The following R3HDML variants were observed in gnomAD, a reference collection of about 807,000 sequenced individuals.
R3HDML encodes peptidase inhibitor R3HDML.
A neutral mutation model predicts 24.2 loss-of-function variants in R3HDML; 21 were observed. The ratio of observed to expected loss-of-function variants is 0.87; its 90% CI spans 0.62 to 1.25. The LOEUF is 1.25. Among genes scored for constraint, R3HDML ranks in the 50% most tolerant of loss-of-function variants. The probability of loss-of-function intolerance (pLI) is 0.00; values close to 1 mark genes in which losing one functional copy is unlikely to be tolerated. For synonymous variants in R3HDML, 133 were observed against 131.5 expected, an observed-to-expected ratio of 1.01 and a Z score of -0.08; for missense variants, 301 against 340.3, an observed-to-expected ratio of 0.88 and a Z score of 0.91.
intron 4 of R3HDML, among the ~76,000 whole-genome samples, 173 bp downstream of exon 4, chr20:44,345,551 C>A (rs2062784241): frequency 6.6e-6 from 1 of 152,014 alleles, no homozygotes; most frequent in Non-Finnish European, 1.5e-5. Context: ...CGCCTGAAAT[C>A]CCAGCACTTT....
At chr20:44,350,548 G>C (rs1289968346) in intron 4 of R3HDML, 112 bp from the exon 5 acceptor site, 3 of 942,276 alleles carry the variant, frequency 3.2e-6, no homozygotes, top group Non-Finnish European at 4.6e-6. Context: ...TTGCAGATGT[G>C]ACTTGCCCCA....
Position 44,347,207 on chromosome 20 carries a change from TTTTTTTC to T in R3HDML, c.629+1843_629+1849del, listed in dbSNP as rs200676259. On this transcript the variant is annotated intron_variant, in intron 4 of 4. Transcript: ENST00000217043. ...AAGTAAACATGATATTTAGAATTTC[TTTTTTTC>T]TTTTTTCTTTTTTTTTTGGGGGGGG... Among the ~76,000 whole-genome samples, 780 of 148,800 alleles carry T rather than the reference TTTTTTTC, an allele frequency of 5.2e-3. 47 individuals are homozygous for T. In the East Asian group the frequency reaches 0.13, roughly 26 times the overall value.
At chr20:44,342,539 T>C (rs2146109895) in intron 2 of R3HDML, among the ~76,000 whole-genome samples, 1 of 152,322 alleles carries the variant, frequency 6.6e-6, no homozygotes, top group East Asian at 1.9e-4. Context: ...AAAGCAGTGT[T>C]AGACACGAAG....
rs759178995 is a variant in R3HDML at position 44,343,419 on chromosome 20, G to T, written c.423G>T (p.Glu141Asp). 6.8e-6 allele frequency: 11 copies of T among 1,613,140 alleles called. No homozygotes were observed. In the African/African-American group the frequency reaches 1.1e-4, roughly 16 times the overall value. ...ATCTCATGAAGTCCTGGTCTGAGGA[G>T]AAGTGGCATTACTTGTTTCCGGCCC... ...VVDLMKSWSEEKWHYLFPAPR... is the reference protein window; with the variant it reads ...VVDLMKSWSEDKWHYLFPAPR... Residue 141 changes from glutamate to aspartate, a missense_variant, in exon 3 of 5, where the codon GAG becomes GAT. By Grantham distance (45) the Glu-to-Asp change is conservative. Coordinates refer to ENST00000217043, the MANE Select transcript of R3HDML (RefSeq NM_178491.4).
At chr20:44,346,610 C>G (rs1420244245) in intron 4 of R3HDML, among the ~76,000 whole-genome samples, 1 of 152,186 alleles carries the variant, frequency 6.6e-6, no homozygotes, top group Non-Finnish European at 1.5e-5. Context: ...CACTGGATAG[C>G]CAAAGGCCCC....
intron 2 of R3HDML, among the ~76,000 whole-genome samples, chr20:44,343,103 C>T (rs2062776323): frequency 2.6e-5 from 4 of 152,180 alleles, no homozygotes; most frequent in Non-Finnish European, 5.9e-5. Flanking sequence ...AAAATGCAAG[C>T]TCCCCCGTCT....
intron 4 of R3HDML, among the ~76,000 whole-genome samples, chr20:44,347,001 G>A (rs6031537): frequency 0.1 from 15,343 of 152,092 alleles, 971 homozygotes; most frequent in Middle Eastern, 0.17. Flanking sequence ...AATTAGCTGG[G>A]CATGGTGGCG....
chr20:44,347,882 G>T (rs936388995), intron 4 of R3HDML: 1 of 151,404 alleles, frequency 6.6e-6, no homozygotes, highest in African/African-American at 2.4e-5. Flanking sequence ...TTGACAATGT[G>T]TCACGTTACA....
At chr20:44,340,853 A>AT (rs2062770316) in intron 1 of R3HDML, among the ~76,000 whole-genome samples, 1 of 152,198 alleles carries the variant, frequency 6.6e-6, no homozygotes, top group African/African-American at 2.4e-5. Context: ...AGAAAATACT[A>AT]TAAGTACAAT....
chr20:44,348,398 G>GCCTTCCCCTTCC (rs112391210), intron 4 of R3HDML, among the ~76,000 whole-genome samples: 2 of 151,998 alleles, frequency 1.3e-5, no homozygotes, highest in African/African-American at 4.8e-5. Context: ...ACAGGCTTCG[G>GCCTTCCCCTTCC]CCTTCCCCTT....
chr20:44,347,330 C>T (rs6031539), intron 4 of R3HDML, among the ~76,000 whole-genome samples: 15,292 of 151,682 alleles, frequency 0.1, 964 homozygotes, highest in Middle Eastern at 0.17. Context: ...GCAATCCTCC[C>T]GCCTCACCCT....
intron 4 of R3HDML, among the ~76,000 whole-genome samples, chr20:44,348,036 C>A (rs2062793874): frequency 6.8e-6 from 1 of 147,196 alleles, no homozygotes; most frequent in Non-Finnish European, 1.5e-5. Context: ...ATGGTCACAG[C>A]TCACGGCAGC....
At chr20:44,347,879 T>G (rs1415842132) in intron 4 of R3HDML, 1 of 151,982 alleles carries the variant, frequency 6.6e-6, no homozygotes, top group Non-Finnish European at 1.5e-5. Flanking sequence ...CTATTGACAA[T>G]GTGTCACGTT....
At position 44,343,407 on chromosome 20, in the gene R3HDML, C is replaced by T. The variant is rs1468210917; in HGVS notation, c.411C>T (p.Ser137=). ...GGTCCGTAGTGGATCTCATGAAGTCCTGGTCTGAGGAGAAGTGGCATTACT... is the reference window on the plus strand; with the variant it reads ...GGTCCGTAGTGGATCTCATGAAGTCTTGGTCTGAGGAGAAGTGGCATTACT... The part of the protein sequence containing the change: ...QYRSVVDLMK[S]WSEEKWHYLF... Residue 137 remains serine, a synonymous_variant, in exon 3 of 5, where the codon TCC becomes TCT. Transcript: ENST00000217043. 6.2e-7 allele frequency: 1 copy of T among 1,612,950 alleles called. No individual in the cohort carries two copies. Among genetic ancestry groups the T allele is most frequent in the South Asian group, 1.1e-5 (1 of 90,840 alleles).
chr20:44,345,262 G>C lies in R3HDML; in HGVS notation c.514-1G>C. ...CCCCCTCTGTCTCTGTCCTTCACCAGATGGTGTGGGCATCCTCCAATCGGC... is the reference window on the plus strand; with the variant it reads ...CCCCCTCTGTCTCTGTCCTTCACCACATGGTGTGGGCATCCTCCAATCGGC... On this transcript the variant is annotated splice_acceptor_variant, in intron 3 of 4. Coordinates refer to ENST00000217043, the MANE Select transcript of R3HDML (RefSeq NM_178491.4). LOFTEE classifies it high-confidence loss of function. 1 of 1,613,448 alleles carries C rather than the reference G, an allele frequency of 6.2e-7. No homozygotes were observed. The highest frequency in any genetic ancestry group is 8.5e-7 in the Non-Finnish European group (1 of 1,179,368).
In R3HDML at chr20:44,339,577, A is replaced by ATGTGTGTGTGTGTG. The variant is rs1037269097; in HGVS notation, c.262-1618_262-1617insGTGTGTGTGTGTGT. 2.5e-3 allele frequency among the ~76,000 whole-genome samples: 276 copies of ATGTGTGTGTGTGTG among 108,620 alleles called. 1 individual carries two copies. The highest frequency in any genetic ancestry group is 8.5e-3 in the African/African-American group (250 of 29,356). The allele number at this position is 108,620 out of a possible 152,430, so 71.3% of individuals were successfully genotyped here. A position where few individuals can be genotyped will look rare whatever the true frequency, so the allele number is the denominator to read the frequency against. ...AGAATATGCTGCCATTTGCCTATAT[A>ATGTGTGTGTGTGTG]TATGTGTGTGTGTGTGTGTGTGTGT... is the stretch of plus-strand genomic sequence containing the variant. On this transcript the variant is annotated intron_variant, in intron 1 of 4. Transcript: ENST00000217043.
intron 1 of R3HDML, among the ~76,000 whole-genome samples, chr20:44,340,391 C>A (rs942601472): frequency 6.6e-6 from 1 of 152,160 alleles, no homozygotes; most frequent in Non-Finnish European, 1.5e-5. Context: ...TGTGCCCAAG[C>A]GGATATCTTA....
In R3HDML at chr20:44,350,908, C is replaced by T. The variant is rs1232185945; in HGVS notation, c.*116C>T. On this transcript the variant is annotated 3_prime_UTR_variant, in exon 5 of 5. Transcript: ENST00000217043. ...AAAGGATATGAGTTAGAATCACCCC[C>T]TGTTGAATTTTCCCTCCTAGATCCC... 2 of 1,271,270 alleles carry T rather than the reference C, an allele frequency of 1.6e-6. No individual in the cohort carries two copies. Among genetic ancestry groups the T allele is most frequent in the East Asian group, 5.1e-5 (2 of 39,182 alleles). The allele number at this position is 1,271,270 out of a possible 1,614,324, so 78.7% of individuals were successfully genotyped here.
chr20:44,345,317 A>C lies in R3HDML; in HGVS notation c.568A>C (p.Ile190Leu), dbSNP rs1568677208. The C allele has an allele frequency of 6.2e-7, 1 of 1,614,200 alleles. No individual in the cohort carries two copies. The highest frequency in any genetic ancestry group is 1.1e-5 in the South Asian group (1 of 91,084). Reference protein sequence around the residue: ...LGCAIHTCSSISVWGNTWHRA... With the variant: ...LGCAIHTCSSLSVWGNTWHRA... ...CTGTGCCATCCACACCTGTAGTAGCATCAGTGTCTGGGGCAACACCTGGCA... is the reference window on the plus strand; with the variant it reads ...CTGTGCCATCCACACCTGTAGTAGCCTCAGTGTCTGGGGCAACACCTGGCA... Residue 190 changes from isoleucine (I) to leucine (L), a missense_variant, in exon 4 of 5, where the codon ATC becomes CTC. Physicochemically the swap from Ile to Leu is conservative, Grantham distance 5. Coordinates refer to ENST00000217043, the MANE Select transcript of R3HDML (RefSeq NM_178491.4).
Sources: allele counts gnomAD v4.1 joint callset (sites outside exome capture counted in the v4.1 genomes callset), GRCh38; gene constraint gnomAD v4.1.1; transcripts MANE v1.5; gene names NCBI Gene and HGNC (gene_info 2026-07-23, HGNC 2026-07-21).